Variants in CHN2 observed in about 807,000 individuals in gnomAD.
CHN2 encodes beta-chimaerin.
A neutral mutation model predicts 56.3 loss-of-function variants in CHN2; 35 were observed. That is an observed-to-expected ratio of 0.62 (90% confidence interval 0.47 to 0.82). The LOEUF (loss-of-function observed/expected upper bound fraction) is 0.82, where lower values mean the gene tolerates loss of function less well. CHN2 is among the 40% of genes least tolerant of loss of function. The pLI is 0.00. For synonymous variants in CHN2, 210 were observed against 212.8 expected (o/e 0.99, Z 0.12); for missense variants, 491 against 580.5 (o/e 0.85, Z 1.58).
intron 6 of CHN2, among the ~76,000 whole-genome samples, chr7:29,468,706 T>C (rs1785777949): frequency 6.6e-6 from 1 of 152,144 alleles, no homozygotes; most frequent in Non-Finnish European, 1.5e-5. Context: ...CCCCGACTGC[T>C]GCTGGAAACT....
At chr7:29,231,659 T>C (rs554703755) in intron 1 of CHN2, among the ~76,000 whole-genome samples, 16 of 152,246 alleles carry the variant, frequency 1.1e-4, no homozygotes, top group Admixed American at 2.6e-4. Context: ...TTCCAACTTA[T>C]TTATTTTAGC....
At chr7:29,319,652 C>T (rs1289196172) in intron 1 of CHN2, among the ~76,000 whole-genome samples, 1 of 152,202 alleles carries the variant, frequency 6.6e-6, no homozygotes, top group African/African-American at 2.4e-5. Context: ...TGAGATTTCG[C>T]TGTCAGATTA....
chr7:29,496,879 A>G lies in CHN2; in HGVS notation c.739+843A>G, dbSNP rs191283668. On this transcript the variant is annotated intron_variant, in intron 8 of 12. Transcript: ENST00000222792. ...CTGGGAGCAAGACCAGCCTCCTCTGATATTGATCAGGTTTCTACCAACACC... is the reference window on the plus strand; with the variant it reads ...CTGGGAGCAAGACCAGCCTCCTCTGGTATTGATCAGGTTTCTACCAACACC... 6.0e-4 allele frequency among the ~76,000 whole-genome samples: 91 copies of G among 152,256 alleles called. 2 individuals carry two copies. Among genetic ancestry groups the G allele is most frequent in the Admixed American group, 4.1e-3 (62 of 15,296 alleles).
intron 1 of CHN2, among the ~76,000 whole-genome samples, chr7:29,278,491 G>A (rs1203669835): frequency 6.6e-6 from 1 of 151,030 alleles, no homozygotes; most frequent in African/African-American, 2.4e-5. Flanking sequence ...ATTGGCCCAT[G>A]AGCCACAGTT....
intron 1 of CHN2, among the ~76,000 whole-genome samples, chr7:29,316,792 T>C: frequency 6.6e-6 from 1 of 152,186 alleles, no homozygotes; most frequent in Non-Finnish European, 1.5e-5. Context: ...TTCTAGAGTA[T>C]GGAGTCTGTC....
chr7:29,473,482 T>TTTTTTTTTTTTTGTG (rs539151442), intron 6 of CHN2, among the ~76,000 whole-genome samples: 2 of 118,164 alleles, frequency 1.7e-5, no homozygotes, highest in African/African-American at 6.6e-5. Flanking sequence ...TTTTTTTTTT[T>TTTTTTTTTTTTTGTG]TGTGTGTGTG....
At chr7:29,201,756 A>G (rs1170752778) in intron 1 of CHN2, among the ~76,000 whole-genome samples, 2 of 152,236 alleles carry the variant, frequency 1.3e-5, no homozygotes, top group African/African-American at 4.8e-5. Context: ...CATTTTTTAC[A>G]GGAAATTCTC....
chr7:29,361,732 T>C (rs1204593450), intron 2 of CHN2, among the ~76,000 whole-genome samples: 1 of 152,228 alleles, frequency 6.6e-6, no homozygotes, highest in Non-Finnish European at 1.5e-5. Context: ...GGAGAGGAAC[T>C]GTCCAGAAAT....
At chr7:29,251,174 C>A (rs1161527184) in intron 1 of CHN2, among the ~76,000 whole-genome samples, 5 of 152,184 alleles carry the variant, frequency 3.3e-5, no homozygotes, top group African/African-American at 1.2e-4. Context: ...AAATACCAGA[C>A]CAGGCATGTG....
chr7:29,506,559 C>G (rs1790589202), intron 10 of CHN2, among the ~76,000 whole-genome samples: 1 of 152,134 alleles, frequency 6.6e-6, no homozygotes, highest in African/African-American at 2.4e-5. Context: ...ATTGCTTGAA[C>G]CCAGGAGGTG....
intron 3 of CHN2, chr7:29,380,711 C>G (rs1176412696): frequency 6.6e-6 from 1 of 152,176 alleles, no homozygotes; most frequent in Non-Finnish European, 1.5e-5. Flanking sequence ...AGTATACTCA[C>G]CCAATCTTTT....
intron 1 of CHN2, among the ~76,000 whole-genome samples, chr7:29,215,466 C>G (rs1003202621): frequency 6.6e-6 from 1 of 152,160 alleles, no homozygotes; most frequent in African/African-American, 2.4e-5. Context: ...AGCCTGGAGC[C>G]AGAACTGTAG....
intron 2 of CHN2, among the ~76,000 whole-genome samples, chr7:29,157,042 G>A (rs1794474498): frequency 6.6e-6 from 1 of 152,196 alleles, no homozygotes; most frequent in South Asian, 2.1e-4. Flanking sequence ...AATCTCGTCT[G>A]TGGAAAGGAA....
chr7:29,508,561 G>A (rs964637813), intron 11 of CHN2, among the ~76,000 whole-genome samples: 1 of 152,074 alleles, frequency 6.6e-6, no homozygotes, highest in African/African-American at 2.4e-5. Context: ...CCCTGACCCC[G>A]GTAAGACTAT....
chr7:29,211,059 GT>G (rs60239658), intron 1 of CHN2, among the ~76,000 whole-genome samples: 6 of 147,102 alleles, frequency 4.1e-5, no homozygotes, highest in Non-Finnish European at 4.5e-5. Flanking sequence ...TAGGTGTTTT[GT>G]TTTTTTTTTT....
chr7:29,435,891 C>G (rs956275612), intron 6 of CHN2, among the ~76,000 whole-genome samples: 3 of 120,882 alleles, frequency 2.5e-5, no homozygotes, highest in African/African-American at 1.3e-4. Context: ...TCAGAAGCGC[C>G]TCCTTTTTTT....
intron 6 of CHN2, among the ~76,000 whole-genome samples, chr7:29,429,998 A>G (rs1391227116): frequency 1.3e-5 from 2 of 152,374 alleles, no homozygotes; most frequent in East Asian, 3.9e-4. Flanking sequence ...GAGAAAAGGT[A>G]AATCCACTTT....
At chr7:29,363,229 T>G (rs1001592377) in intron 2 of CHN2, among the ~76,000 whole-genome samples, 1 of 152,244 alleles carries the variant, frequency 6.6e-6, no homozygotes, top group African/African-American at 2.4e-5. Context: ...CTCACGCCTC[T>G]AATCCCAGTG....
At chr7:29,511,554 T>G (rs966753560) in intron 12 of CHN2, among the ~76,000 whole-genome samples, 1 of 152,304 alleles carries the variant, frequency 6.6e-6, no homozygotes, top group East Asian at 1.9e-4. Context: ...GGCACTTTGA[T>G]GGTGAGAAAC....
Sources: gnomAD v4.1 joint callset for allele counts (sites outside exome capture counted in the v4.1 genomes callset) on GRCh38, gnomAD v4.1.1 for gene constraint, MANE v1.5 for transcripts, NCBI Gene and HGNC (gene_info 2026-07-23, HGNC 2026-07-21) for gene names.